GNG4: variants seen among roughly 807,000 people sequenced by gnomAD.
The protein encoded by GNG4 is G protein subunit gamma 4, also known as guanine nucleotide-binding protein G(I)/G(S)/G(O) subunit gamma-4.
GNG4 carries 4 observed loss-of-function variants against 5.8 expected under a neutral mutation model. The observed-to-expected ratio is 0.69, with a 90% CI of 0.34 to 1.57. GNG4 has a LOEUF of 1.57. Among genes scored for constraint, GNG4 ranks in the 40% most tolerant of loss-of-function variants. The pLI is 0.06. For synonymous variants in GNG4, 29 were observed against 32.9 expected (o/e 0.88, Z 0.41); for missense variants, 96 against 95.1 (o/e 1.01, Z -0.04).
intron 1 of GNG4, among the ~76,000 whole-genome samples, chr1:235,613,977 C>A (rs998553505): frequency 6.6e-6 from 1 of 152,156 alleles, no homozygotes. Context: ...CCACGACTGG[C>A]TAATTTTTGT....
chr1:235,612,368 C>A (rs997498591), intron 1 of GNG4, among the ~76,000 whole-genome samples: 1 of 152,102 alleles, frequency 6.6e-6, no homozygotes, highest in Non-Finnish European at 1.5e-5. Flanking sequence ...GTTATCTTAG[C>A]CCCATGTGAT....
chr1:235,589,878 A>G (rs773585264), intron 2 of GNG4, among the ~76,000 whole-genome samples: 1 of 152,016 alleles, frequency 6.6e-6, no homozygotes, highest in African/African-American at 2.4e-5. Flanking sequence ...TTGAAATGAG[A>G]TAATGTACTC....
At chr1:235,640,462 A>G (rs1417209703) in intron 1 of GNG4, among the ~76,000 whole-genome samples, 1 of 152,244 alleles carries the variant, frequency 6.6e-6, no homozygotes, top group Non-Finnish European at 1.5e-5. Context: ...CAGGTTTGAG[A>G]ACCACTGCTG....
At position 235,578,825 on chromosome 1, in the gene GNG4, C is replaced by T. The variant is rs557746674; in HGVS notation, c.99+4915G>A. On this transcript the variant is annotated intron_variant, in intron 3 of 3. Transcript: ENST00000391854. The stretch of plus-strand genomic sequence containing the variant: ...GGACACAAAGTTTCAGGGCTGGCTG[C>T]GGTGGCTTAGGCCTGTAATCCCAGC... Among the ~76,000 whole-genome samples, 36 of 152,218 alleles carry T rather than the reference C, an allele frequency of 2.4e-4. No homozygotes were observed. In the South Asian group the frequency reaches 4.8e-3, roughly 20 times the overall value.
At chr1:235,558,739 G>C (rs558551290) in intron 3 of GNG4, among the ~76,000 whole-genome samples, 2 of 152,214 alleles carry the variant, frequency 1.3e-5, no homozygotes, top group Non-Finnish European at 2.9e-5. Context: ...CCTTTACTGT[G>C]TATCCTTTCT....
chr1:235,642,310 GT>G lies in GNG4; in HGVS notation c.-123+7351del, dbSNP rs1657356233. Among the ~76,000 whole-genome samples, 1 of 152,206 alleles carries G rather than the reference GT, an allele frequency of 6.6e-6. No individual in the cohort carries two copies. Among genetic ancestry groups the G allele is most frequent in the Non-Finnish European group, 1.5e-5 (1 of 68,030 alleles). On this transcript the variant is annotated intron_variant, in intron 1 of 3. Coordinates refer to ENST00000391854, the MANE Select transcript of GNG4 (RefSeq NM_001098722.2). This position sits in a 1 kb window ranked among gnomAD's most constrained non-coding sequence, Gnocchi z 4.3. Reference sequence around the variant, plus strand: ...CCAGCCCTCCGCCTCGAGGCCACTGGTGCTTGGGGGTGGGAAAAGAGTGACC... The same window carrying G: ...CCAGCCCTCCGCCTCGAGGCCACTGGGCTTGGGGGTGGGAAAAGAGTGACC...
rs558655058 is a variant in GNG4 at position 235,620,786 on chromosome 1, C to T, written c.-122-25275G>A. 7.3e-4 allele frequency among the ~76,000 whole-genome samples: 111 copies of T among 152,302 alleles called. No homozygotes were observed. In the South Asian group the frequency reaches 0.012, roughly 17 times the overall value. On this transcript the variant is annotated intron_variant, in intron 1 of 3. Coordinates refer to ENST00000391854, the MANE Select transcript of GNG4 (RefSeq NM_001098722.2). ...TCCTGACCTCGTGATCCACCTGCCT[C>T]GGCCTCTCAAAGTGCTGGGATTACA...
chr1:235,594,668 C>T (rs931175088), intron 2 of GNG4, among the ~76,000 whole-genome samples: 3 of 152,232 alleles, frequency 2.0e-5, no homozygotes, highest in African/African-American at 4.8e-5. Context: ...TGCGGGCCGG[C>T]CGCTCCCAGT....
chr1:235,616,741 T>C (rs1688597932), intron 1 of GNG4, among the ~76,000 whole-genome samples: 1 of 151,752 alleles, frequency 6.6e-6, no homozygotes, highest in Admixed American at 6.6e-5. Context: ...TGTGTGTGTG[T>C]GTGCGCGCGT....
chr1:235,576,187 A>G (rs1687479729), intron 3 of GNG4, among the ~76,000 whole-genome samples: 1 of 151,324 alleles, frequency 6.6e-6, no homozygotes, highest in South Asian at 2.1e-4. Context: ...CAGCCTCCCA[A>G]GTAGCTGGGA....
intron 2 of GNG4, among the ~76,000 whole-genome samples, chr1:235,595,078 CA>C (rs1255140128): frequency 6.6e-6 from 1 of 152,212 alleles, no homozygotes; most frequent in Non-Finnish European, 1.5e-5. Context: ...CACAGGGAAG[CA>C]CACAGCACGG....
At chr1:235,596,253 CCT>C (rs1688125012) in intron 1 of GNG4, among the ~76,000 whole-genome samples, 2 of 136,792 alleles carry the variant, frequency 1.5e-5, no homozygotes, top group South Asian at 4.7e-4. Flanking sequence ...CACACACACA[CCT>C]GGCCGGGCGC....
At chr1:235,615,943 T>C (rs1018007728) in intron 1 of GNG4, 7 of 301,390 alleles carry the variant, frequency 2.3e-5, no homozygotes, top group Non-Finnish European at 4.5e-5. Context: ...ATCAGCACTC[T>C]GGCCTGGGTG....
intron 1 of GNG4, among the ~76,000 whole-genome samples, chr1:235,630,015 A>G (rs1688900617): frequency 6.6e-6 from 1 of 152,014 alleles, no homozygotes; most frequent in African/African-American, 2.4e-5. Context: ...ATCCTTTCTC[A>G]TGTTGGTGGA....
chr1:235,583,887 C>T, intron 2 of GNG4, 39 bp from the exon 3 acceptor site: 1 of 1,348,392 alleles, frequency 7.4e-7, no homozygotes, highest in Non-Finnish European at 1.1e-6. Flanking sequence ...AAGAGCTGCT[C>T]TTCCAAGGGT....
intron 1 of GNG4, among the ~76,000 whole-genome samples, chr1:235,634,972 C>T (rs551848760): frequency 1.3e-5 from 2 of 152,210 alleles, no homozygotes; most frequent in South Asian, 4.2e-4. Context: ...GAAATACTTC[C>T]TTTGCTGAAG....
intron 1 of GNG4, among the ~76,000 whole-genome samples, chr1:235,628,256 T>C (rs1257426585): frequency 6.6e-6 from 1 of 152,080 alleles, no homozygotes; most frequent in Non-Finnish European, 1.5e-5. Flanking sequence ...CTGGCTTTTG[T>C]TTCCAAAAGC....
rs190622539 is a variant in GNG4, at chr1:235,600,188, C to T, written c.-122-4677G>A. Reference sequence around the variant, plus strand: ...GGAGTACAGTGGCACGATCTTGGCACACCACAACCTCCACCTCCTGGGTTC... The same window carrying T: ...GGAGTACAGTGGCACGATCTTGGCATACCACAACCTCCACCTCCTGGGTTC... On this transcript the variant is annotated intron_variant, in intron 1 of 3. Transcript: ENST00000391854. 2.3e-3 allele frequency among the ~76,000 whole-genome samples: 325 copies of T among 143,418 alleles called. 1 individual carries two copies. The highest frequency in any genetic ancestry group is 8.4e-4 in the Non-Finnish European group (56 of 66,518). 94.1% of individuals were successfully genotyped at this position (143,418 alleles called of 152,430 possible).
chr1:235,567,661 A>G (rs1307519263), intron 3 of GNG4, among the ~76,000 whole-genome samples: 2 of 152,142 alleles, frequency 1.3e-5, no homozygotes, highest in Non-Finnish European at 2.9e-5. Context: ...TTAAGGCTGA[A>G]TAATTTTCTG....
Sources: gnomAD v4.1 joint callset for allele counts (sites outside exome capture counted in the v4.1 genomes callset) on GRCh38, gnomAD v4.1.1 for gene constraint, Gnocchi (gnomAD v3.1) non-coding constraint, MANE v1.5 for transcripts, NCBI Gene and HGNC (gene_info 2026-07-23, HGNC 2026-07-21) for gene names.